The following IFT46 variants were observed in gnomAD, a reference collection of about 807,000 sequenced individuals.
IFT46 encodes intraflagellar transport protein 46 homolog.
IFT46 carries 19 observed loss-of-function variants against 39.6 expected under a neutral mutation model. The observed-to-expected ratio is 0.48, with a 90% CI of 0.33 to 0.70. The LOEUF (loss-of-function observed/expected upper bound fraction) is 0.70. Among genes scored for constraint, IFT46 ranks in the 30% least tolerant of loss-of-function variants. The pLI, the probability that IFT46 is intolerant of heterozygous loss-of-function variation, is 0.01. For synonymous variants in IFT46, 117 were observed against 134.8 expected, an observed-to-expected ratio of 0.87 and a Z score of 0.91; for missense variants, 334 against 364.8, an observed-to-expected ratio of 0.92 and a Z score of 0.69.
In IFT46 at chr11:118,557,065, G is replaced by T. The variant is rs1937865302; in HGVS notation, c.46-20C>A. 3 of 1,559,978 alleles carry T rather than the reference G, an allele frequency of 1.9e-6. No homozygotes were observed. In the African/African-American group the frequency reaches 4.1e-5, roughly 21 times the overall value. On this transcript the variant is annotated intron_variant, in intron 3 of 11. Transcript: ENST00000264021. ...CTTCTCCTGTGATAGGGCAGGGCAG[G>T]CATAGAAAGCTTCAAGTAAAAAAAT...
chr11:118,552,396 T>C, intron 7 of IFT46, 61 bp from the exon 8 acceptor site: 1 of 1,588,262 alleles, frequency 6.3e-7, no homozygotes, highest in Non-Finnish European at 8.6e-7. Flanking sequence ...GTTTTTACAG[T>C]GTCTCATTAT....
chr11:118,566,742 T>G (rs116333205), upstream of IFT46, among the ~76,000 whole-genome samples: 2,105 of 152,262 alleles, frequency 0.014, 48 homozygotes, highest in African/African-American at 0.042. Context: ...TTTGCTAAAG[T>G]AGACTTTTAA....
At chr11:118,559,053 A>G (rs1196579880) in intron 3 of IFT46, among the ~76,000 whole-genome samples, 1 of 151,134 alleles carries the variant, frequency 6.6e-6, no homozygotes, top group African/African-American at 2.4e-5. Context: ...TTTTTATTAG[A>G]GATGGGGTTT....
intron 9 of IFT46, among the ~76,000 whole-genome samples, chr11:118,549,925 C>CTT (rs1205953002): frequency 2.2e-5 from 3 of 136,046 alleles, no homozygotes; most frequent in Non-Finnish European, 3.2e-5. Flanking sequence ...TCCATTATGA[C>CTT]TTTTTTTTTT....
At position 118,561,187 on chromosome 11, in the gene IFT46, G is replaced by A. The variant is rs559617576; in HGVS notation, c.-35-1323C>T. 9.6e-4 allele frequency: 1,343 copies of A among 1,396,406 alleles called. 10 individuals are homozygous for A. Among genetic ancestry groups the A allele is most frequent in the South Asian group, 6.5e-4 (56 of 86,746 alleles). The allele number at this position is 1,396,406 out of a possible 1,614,324, so 86.5% of individuals were successfully genotyped here. ...TTTTTGGCACCCTGAAGGGAGCTGTGGATGGAGGCTTGTCTGTCCCTCACA... is the reference window on the plus strand; with the variant it reads ...TTTTTGGCACCCTGAAGGGAGCTGTAGATGGAGGCTTGTCTGTCCCTCACA... On this transcript the variant is annotated intron_variant, in intron 2 of 11. Coordinates refer to ENST00000264021, the MANE Select transcript of IFT46 (RefSeq NM_001168618.2).
chr11:118,546,126 A>C (rs1951678848), intron 9 of IFT46: 2 of 718,584 alleles, frequency 2.8e-6, no homozygotes, highest in Non-Finnish European at 5.2e-6. Context: ...TAGGAAGAAG[A>C]AATCAGGACA....
chr11:118,572,953 C>G (rs1478785051), exon 1 of IFT46: 1 of 224,500 alleles, frequency 4.5e-6, no homozygotes, highest in African/African-American at 2.3e-5. Flanking sequence ...TCCGGAGGTT[C>G]TGGTCCTTCT....
At chr11:118,545,290 A>C in intron 11 of IFT46, 119 bp downstream of exon 11, 1 of 823,660 alleles carries the variant, frequency 1.2e-6, no homozygotes. Flanking sequence ...GGAAAGGGCG[A>C]AGGTAACTGG....
chr11:118,557,914 C>G, intron 3 of IFT46: 1 of 1,548,922 alleles, frequency 6.5e-7, no homozygotes, highest in Non-Finnish European at 8.7e-7. Flanking sequence ...AATTGGCCCC[C>G]TTTAAAAGTA....
upstream of IFT46, among the ~76,000 whole-genome samples, chr11:118,567,226 C>T (rs1245527271): frequency 6.6e-6 from 1 of 151,940 alleles, no homozygotes; most frequent in Non-Finnish European, 1.5e-5. Context: ...TGCATTCACT[C>T]CAGCCTGGGC....
chr11:118,547,256 A>G (rs1335035245), intron 9 of IFT46: 1 of 152,212 alleles, frequency 6.6e-6, no homozygotes, highest in Non-Finnish European at 1.5e-5. Context: ...GAAGAACAAA[A>G]TAAGTAAATA....
At chr11:118,554,887 T>G in intron 6 of IFT46, 103 bp downstream of exon 6, 1 of 884,204 alleles carries the variant, frequency 1.1e-6, no homozygotes, top group Non-Finnish European at 1.8e-6. Context: ...GAAATGAACA[T>G]GACTAGCCAA....
At chr11:118,555,403 A>T in intron 4 of IFT46, 81 bp from the exon 5 acceptor site, 1 of 998,994 alleles carries the variant, frequency 1.0e-6, no homozygotes, top group Non-Finnish European at 1.6e-6. Context: ...TGTGTTACTG[A>T]CTATAGGGAC....
Position 118,545,626 on chromosome 11 carries a change from T to A in IFT46, c.734-132A>T, listed in dbSNP as rs1951661804. ...CTTTGGGGGTTAAATACCCAGCAGG[T>A]AGTCACATAAGCCAAACACCACCTT... is the stretch of plus-strand genomic sequence containing the variant. On this transcript the variant is annotated intron_variant, in intron 10 of 11. Transcript: ENST00000264021. The A allele has an allele frequency of 2.8e-6, 3 of 1,054,804 alleles. No homozygotes were observed. In the South Asian group the frequency reaches 4.1e-5, roughly 15 times the overall value. 65.3% of individuals were successfully genotyped at this position (1,054,804 alleles called of 1,614,324 possible). A position where few individuals can be genotyped will look rare whatever the true frequency, so the allele number is the denominator to read the frequency against.
intron 9 of IFT46, among the ~76,000 whole-genome samples, chr11:118,549,247 C>T (rs1555067892): frequency 6.7e-6 from 1 of 149,604 alleles, no homozygotes; most frequent in African/African-American, 2.5e-5. Flanking sequence ...CCTATTGTTG[C>T]CCAGACCGGT....
At chr11:118,557,890 C>T (rs1555069870) in intron 3 of IFT46, 2 of 1,578,450 alleles carry the variant, frequency 1.3e-6, no homozygotes, top group Non-Finnish European at 1.7e-6. Flanking sequence ...TCCCTTAGGA[C>T]CTGAAGGATG....
intron 2 of IFT46, chr11:118,561,698 AT>A (rs1938062197): frequency 3.6e-6 from 1 of 274,080 alleles, no homozygotes; most frequent in Non-Finnish European, 6.9e-6. Flanking sequence ...GGTCACTAAT[AT>A]TTCTAACCCA....
At chr11:118,564,420 A>C (rs1178796109) in intron 2 of IFT46, among the ~76,000 whole-genome samples, 1 of 151,172 alleles carries the variant, frequency 6.6e-6, no homozygotes, top group Non-Finnish European at 1.5e-5. Context: ...GCATTTTAAA[A>C]TGCTTGTTGG....
intron 9 of IFT46, among the ~76,000 whole-genome samples, chr11:118,551,016 G>T: frequency 7.0e-6 from 1 of 142,446 alleles, no homozygotes; most frequent in Admixed American, 7.0e-5. Flanking sequence ...GGGCAACAGA[G>T]TGAGACTGCC....
Sources: gnomAD v4.1 joint callset for allele counts (sites outside exome capture counted in the v4.1 genomes callset) on GRCh38, gnomAD v4.1.1 for gene constraint, MANE v1.5 for transcripts, NCBI Gene and HGNC (gene_info 2026-07-23, HGNC 2026-07-21) for gene names.